Variants in PLEKHG1 observed in about 807,000 individuals in gnomAD.
PLEKHG1 encodes pleckstrin homology domain-containing family G member 1.
PLEKHG1 carries 44 observed loss-of-function variants against 100.8 expected under a neutral mutation model. The ratio of observed to expected loss-of-function variants is 0.44; its 90% confidence interval spans 0.34 to 0.56. The LOEUF is 0.56. Ranked by LOEUF, PLEKHG1 falls within the 20% of genes least tolerant of loss-of-function variation. The pLI is 0.01. For synonymous variants in PLEKHG1, 640 were observed against 662.5 expected (o/e 0.97, Z 0.52); for missense variants, 1,545 against 1,720.9 (o/e 0.90, Z 1.81).
intron 5 of PLEKHG1, among the ~76,000 whole-genome samples, chr6:150,800,266 G>C (rs552969270): frequency 2.4e-4 from 37 of 152,058 alleles, no homozygotes; most frequent in Non-Finnish European, 5.0e-4. Flanking sequence ...CTCTGACGGG[G>C]GGCTGGATCT....
At chr6:150,775,958 A>G (rs1348786402) in intron 3 of PLEKHG1, among the ~76,000 whole-genome samples, 7 of 152,238 alleles carry the variant, frequency 4.6e-5, no homozygotes, top group African/African-American at 1.7e-4. Context: ...GCAGTGGGTT[A>G]AAATGCCAGC....
chr6:150,727,002 C>T (rs962930507), intron 1 of PLEKHG1, among the ~76,000 whole-genome samples: 2 of 152,168 alleles, frequency 1.3e-5, no homozygotes, highest in African/African-American at 2.4e-5. Context: ...ATTAAACGAA[C>T]ATCACTAACT....
At chr6:150,648,132 G>A (rs958908897) in intron 2 of PLEKHG1, among the ~76,000 whole-genome samples, 1 of 151,920 alleles carries the variant, frequency 6.6e-6, no homozygotes, top group African/African-American at 2.4e-5. Context: ...ATTTGTTTGT[G>A]ACTCATCATT....
intron 3 of PLEKHG1, among the ~76,000 whole-genome samples, 191 bp from the exon 5 acceptor site, chr6:150,786,199 T>C (rs1381815015): frequency 6.6e-6 from 1 of 152,170 alleles, no homozygotes; most frequent in Non-Finnish European, 1.5e-5. Context: ...CTGGGTTTAA[T>C]CCCCTGCTCC....
intron 5 of PLEKHG1, among the ~76,000 whole-genome samples, chr6:150,796,974 TG>T (rs1786370643): frequency 6.6e-6 from 1 of 152,036 alleles, no homozygotes; most frequent in Non-Finnish European, 1.5e-5. Flanking sequence ...CTTTGAGTTA[TG>T]GGGTTTTTTT....
chr6:150,764,490 A>T (rs532184523), intron 2 of PLEKHG1, among the ~76,000 whole-genome samples: 4 of 152,280 alleles, frequency 2.6e-5, no homozygotes, highest in Admixed American at 2.6e-4. Flanking sequence ...CCAGCTATGT[A>T]GCGTGGAAGA....
upstream of PLEKHG1, among the ~76,000 whole-genome samples, chr6:150,716,344 T>C (rs1781443621): frequency 6.6e-6 from 1 of 152,214 alleles, no homozygotes; most frequent in South Asian, 2.1e-4. Flanking sequence ...TGTAAAATAC[T>C]ATTTGTGTTT....
chr6:150,777,902 A>C (rs1324843179), intron 3 of PLEKHG1, among the ~76,000 whole-genome samples: 1 of 152,290 alleles, frequency 6.6e-6, no homozygotes, highest in Non-Finnish European at 1.5e-5. Context: ...CTGTAACTGT[A>C]GAATCATCCC....
At chr6:150,700,552 AT>A (rs1780730190) in intron 3 of PLEKHG1, among the ~76,000 whole-genome samples, 1 of 151,492 alleles carries the variant, frequency 6.6e-6, no homozygotes, top group Admixed American at 6.6e-5. Flanking sequence ...GGTTAAACAT[AT>A]TTACCTCGGG....
intron 3 of PLEKHG1, among the ~76,000 whole-genome samples, chr6:150,780,137 A>ATTT (rs772671634): frequency 0.016 from 2,103 of 135,500 alleles, 77 homozygotes; most frequent in African/African-American, 0.054. Flanking sequence ...CTTTTCTTTA[A>ATTT]TTTTTTTTTT....
chr6:150,800,748 G>A, exon 6 of PLEKHG1: 1 of 1,613,962 alleles, frequency 6.2e-7, no homozygotes, highest in Non-Finnish European at 8.5e-7. Flanking sequence ...GAGTGTATGA[G>A]GAACAAGATA....
At chr6:150,820,529 C>T (rs754538877) in intron 12 of PLEKHG1, among the ~76,000 whole-genome samples, 3 of 152,088 alleles carry the variant, frequency 2.0e-5, no homozygotes, top group African/African-American at 7.2e-5. Flanking sequence ...AAATAATCCA[C>T]GTGACTCCTG....
At chr6:150,792,026 TAGG>T (rs1013708115) in intron 4 of PLEKHG1, among the ~76,000 whole-genome samples, 3 of 152,278 alleles carry the variant, frequency 2.0e-5, no homozygotes, top group East Asian at 3.9e-4. Context: ...ATGGAATTGG[TAGG>T]AGAAAGAAAA....
upstream of PLEKHG1, among the ~76,000 whole-genome samples, chr6:150,719,031 A>G (rs1781551774): frequency 6.6e-6 from 1 of 152,222 alleles, no homozygotes; most frequent in Non-Finnish European, 1.5e-5. Flanking sequence ...TGCAAGTTAT[A>G]GGAGAGGTCT....
intron 14 of PLEKHG1, chr6:150,828,355 A>G: frequency 6.2e-7 from 1 of 1,610,534 alleles, no homozygotes; most frequent in Middle Eastern, 1.7e-4. Flanking sequence ...TGTCCTCATG[A>G]AGAGGGACAG....
chr6:150,706,986 C>CTT (rs1781040055), intron 3 of PLEKHG1, among the ~76,000 whole-genome samples: 5 of 54,722 alleles, frequency 9.1e-5, no homozygotes, highest in South Asian at 6.5e-4. Flanking sequence ...CTTTTCTTTT[C>CTT]TTTTTCTTTT....
At chr6:150,757,543 T>C (rs1783910959) in intron 2 of PLEKHG1, among the ~76,000 whole-genome samples, 1 of 150,836 alleles carries the variant, frequency 6.6e-6, no homozygotes, top group Admixed American at 6.6e-5. Flanking sequence ...ACCCAGATTG[T>C]CTGTGGTGCA....
chr6:150,826,601 T>C (rs978884485), intron 14 of PLEKHG1, among the ~76,000 whole-genome samples: 24 of 152,232 alleles, frequency 1.6e-4, no homozygotes, highest in South Asian at 8.3e-4. Context: ...ATTGCACTTT[T>C]TACCATGACT....
At chr6:150,720,618 C>T (rs962002625), upstream of PLEKHG1, among the ~76,000 whole-genome samples, 13 of 151,836 alleles carry the variant, frequency 8.6e-5, no homozygotes, top group Non-Finnish European at 1.9e-4. Flanking sequence ...CACACCCCAC[C>T]CCCACCCCAA....
Sources: allele counts gnomAD v4.1 joint callset (sites outside exome capture counted in the v4.1 genomes callset), GRCh38; gene constraint gnomAD v4.1.1; transcripts MANE v1.5; gene names NCBI Gene and HGNC (gene_info 2026-07-23, HGNC 2026-07-21).